Variants in ANKRD11 observed in about 807,000 individuals in gnomAD.
ANKRD11 encodes ankyrin repeat domain 11.
A neutral mutation model predicts 195.7 loss-of-function variants in ANKRD11; 17 were observed. That is an observed-to-expected ratio of 0.09 (90% CI 0.06 to 0.13). ANKRD11 has a LOEUF of 0.13. ANKRD11 is among the 10% of genes least tolerant of loss of function. The probability of loss-of-function intolerance (pLI) is 1.00; values close to 1 mark genes in which losing one functional copy is unlikely to be tolerated. For missense variants in ANKRD11, 3,735 were observed against 3,566.1 expected, an observed-to-expected ratio of 1.05 and a Z score of -1.21; for synonymous variants, 1,953 against 1,528.1, an observed-to-expected ratio of 1.28 and a Z score of -6.49.
chr16:89,383,577 G>A (rs1408687329), intron 2 of ANKRD11, among the ~76,000 whole-genome samples: 1 of 152,228 alleles, frequency 6.6e-6, no homozygotes, highest in Non-Finnish European at 1.5e-5. Context: ...GCACGGCCAG[G>A]AATGGCCAAA....
rs57747159 is a variant in ANKRD11, at chr16:89,441,767, CAA to C, written c.-144-23401_-144-23400del. On this transcript the variant is annotated intron_variant, in intron 1 of 12. Coordinates refer to ENST00000301030, the MANE Select transcript of ANKRD11 (RefSeq NM_013275.6). ...GGGCAACAGAGCGAGACTCCGCCTA[CAA>C]AAAAAAAAAAAAAAAAAAAAAAAAC... is the stretch of plus-strand genomic sequence containing the variant. 5.4e-3 allele frequency among the ~76,000 whole-genome samples: 281 copies of C among 52,288 alleles called. 1 individual carries two copies. The highest frequency in any genetic ancestry group is 0.039 in the Admixed American group (162 of 4,184). The allele number at this position is 52,288 out of a possible 152,430, so 34.3% of individuals were successfully genotyped here.
intron 2 of ANKRD11, among the ~76,000 whole-genome samples, chr16:89,326,447 C>T (rs2037725916): frequency 6.6e-6 from 1 of 152,078 alleles, no homozygotes; most frequent in Non-Finnish European, 1.5e-5. Context: ...AATCTACCCC[C>T]AAATTACACA....
intron 4 of ANKRD11, among the ~76,000 whole-genome samples, chr16:89,296,165 C>T (rs537452538): frequency 6.6e-6 from 1 of 151,794 alleles, no homozygotes; most frequent in East Asian, 1.9e-4. Flanking sequence ...TAACATCCTC[C>T]CTTTGCTGTT....
rs546455298 is a variant in ANKRD11 at position 89,458,373 on chromosome 16, C to T, written c.-145+31872G>A. ...CTGAGTAGCTGGGACTACAGGCGCCCGCCACCACGCCCGGCTAATTTTTTG... is the reference window on the plus strand; with the variant it reads ...CTGAGTAGCTGGGACTACAGGCGCCTGCCACCACGCCCGGCTAATTTTTTG... On this transcript the variant is annotated intron_variant, in intron 1 of 12. Transcript: ENST00000301030. Among the ~76,000 whole-genome samples, 61 of 152,110 alleles carry T rather than the reference C, an allele frequency of 4.0e-4. 1 individual carries two copies. In the South Asian group the frequency reaches 9.4e-3, roughly 23 times the overall value.
chr16:89,447,032 C>A (rs1270036526), intron 1 of ANKRD11, among the ~76,000 whole-genome samples: 1 of 152,126 alleles, frequency 6.6e-6, no homozygotes, highest in South Asian at 2.1e-4. Flanking sequence ...CTGCCACCAA[C>A]TGAATGCCTG....
intron 2 of ANKRD11, among the ~76,000 whole-genome samples, chr16:89,365,633 A>G (rs2039911726): frequency 6.6e-6 from 1 of 152,246 alleles, no homozygotes; most frequent in African/African-American, 2.4e-5. Flanking sequence ...AGGGAAGAGC[A>G]GTAAGCCAAG....
intron 2 of ANKRD11, among the ~76,000 whole-genome samples, chr16:89,326,396 C>A (rs1597654782): frequency 6.6e-6 from 1 of 151,502 alleles, no homozygotes; most frequent in Non-Finnish European, 1.5e-5. Flanking sequence ...CACCCCGCTG[C>A]AGAAGGTGCA....
intron 2 of ANKRD11, among the ~76,000 whole-genome samples, chr16:89,319,817 G>C (rs544567943): frequency 2.0e-5 from 3 of 152,336 alleles, no homozygotes; most frequent in African/African-American, 7.2e-5. Flanking sequence ...CTTTTTCAAT[G>C]AGAGACCAGA....
At chr16:89,343,540 G>A (rs2152004205) in intron 2 of ANKRD11, 1 of 152,348 alleles carries the variant, frequency 6.6e-6, no homozygotes, top group East Asian at 1.9e-4. Context: ...GTGGGCTGGA[G>A]GCATGTGAGG....
At chr16:89,415,193 A>G (rs536287274) in intron 2 of ANKRD11, among the ~76,000 whole-genome samples, 9 of 149,632 alleles carry the variant, frequency 6.0e-5, no homozygotes, top group African/African-American at 2.2e-4. Flanking sequence ...AGCTCAAGTG[A>G]TCTACCCACC....
intron 2 of ANKRD11, among the ~76,000 whole-genome samples, chr16:89,320,867 G>A (rs72803339): frequency 0.025 from 3,790 of 152,356 alleles, 71 homozygotes; most frequent in Middle Eastern, 0.044. Flanking sequence ...CAGCCCAGAG[G>A]GGCTCCACCT....
At chr16:89,317,942 G>C (rs1364495206) in intron 2 of ANKRD11, among the ~76,000 whole-genome samples, 1 of 152,098 alleles carries the variant, frequency 6.6e-6, no homozygotes, top group Admixed American at 6.5e-5. Context: ...AACCAGCGCA[G>C]AGCCAGGTAA....
At chr16:89,301,175 C>G (rs947520787) in intron 4 of ANKRD11, 1 of 465,654 alleles carries the variant, frequency 2.1e-6, no homozygotes, top group Non-Finnish European at 3.8e-6. Flanking sequence ...GGCGCAATCA[C>G]GGCTCACTGC....
intron 3 of ANKRD11, among the ~76,000 whole-genome samples, chr16:89,310,322 A>T (rs941010297): frequency 1.3e-5 from 2 of 152,256 alleles, no homozygotes; most frequent in Admixed American, 1.3e-4. Flanking sequence ...ACCAAGAGGA[A>T]GCACACTACC....
intron 2 of ANKRD11, among the ~76,000 whole-genome samples, chr16:89,341,701 T>C (rs961833416): frequency 6.6e-6 from 1 of 152,262 alleles, no homozygotes; most frequent in Non-Finnish European, 1.5e-5. Context: ...CCTATTCATC[T>C]GCATAATGAT....
In ANKRD11 at chr16:89,268,698, G is replaced by T. The variant is rs948628508; in HGVS notation, c.7807-35C>A. On this transcript the variant is annotated intron_variant, in intron 12 of 12. Coordinates refer to ENST00000301030, the MANE Select transcript of ANKRD11 (RefSeq NM_013275.6). ...ACACAGCGGGGAGAGGAGGGAGGAG[G>T]AGTGAAGGGAGAGCCCCAGACTCTG... 40 of 1,558,526 alleles carry T rather than the reference G, an allele frequency of 2.6e-5. No individual in the cohort carries two copies. In the Admixed American group the frequency reaches 4.9e-4, roughly 19 times the overall value.
intron 4 of ANKRD11, 148 bp downstream of exon 4, chr16:89,305,058 C>A (rs1043667923): frequency 7.9e-7 from 1 of 1,270,476 alleles, no homozygotes; most frequent in African/African-American, 1.5e-5. Flanking sequence ...CTGTGCTCCG[C>A]CCCTGCTGCC....
chr16:89,370,548 G>T (rs1312012430), intron 2 of ANKRD11: 2 of 152,382 alleles, frequency 1.3e-5, no homozygotes, highest in African/African-American at 4.8e-5. Context: ...CCTGCTGATG[G>T]AAACAGCCCA....
chr16:89,382,437 T>G lies in ANKRD11; in HGVS notation c.-60+35847A>C, dbSNP rs375169312. 7.4e-4 allele frequency among the ~76,000 whole-genome samples: 112 copies of G among 151,556 alleles called. 1 individual carries two copies. The Middle Eastern group carries it at 0.01, about 14-fold the overall frequency. On this transcript the variant is annotated intron_variant, in intron 2 of 12. Coordinates refer to ENST00000301030, the MANE Select transcript of ANKRD11 (RefSeq NM_013275.6). ...GCCTCCCAGGTTCAAGCAATTCTCC[T>G]GCCTCGGCCTCCTGAATAGCTGGGA...
Sources: gnomAD v4.1 joint callset for allele counts (sites outside exome capture counted in the v4.1 genomes callset) on GRCh38, gnomAD v4.1.1 for gene constraint, MANE v1.5 for transcripts, NCBI Gene and HGNC (gene_info 2026-07-23, HGNC 2026-07-21) for gene names.